The following NRXN1 variants were observed in gnomAD, a reference collection of about 807,000 sequenced individuals.
NRXN1 encodes the protein neurexin-1.
Under a neutral mutation model 150.9 loss-of-function variants are expected in NRXN1, and 39 were observed. The observed-to-expected ratio is 0.26, with a 90% confidence interval of 0.20 to 0.34. The LOEUF (loss-of-function observed/expected upper bound fraction) is 0.34, where lower values mean the gene tolerates loss of function less well. Ranked by LOEUF, NRXN1 falls within the 10% of genes least tolerant of loss-of-function variation. NRXN1 has a pLI of 1.00. For missense variants in NRXN1, 1,815 were observed against 1,949.9 expected (o/e 0.93, Z 1.30); for synonymous variants, 924 against 757.0 (o/e 1.22, Z -3.62).
chr2:50,282,590 C>T (rs1295858895), intron 17 of NRXN1, among the ~76,000 whole-genome samples: 1 of 152,036 alleles, frequency 6.6e-6, no homozygotes, highest in Non-Finnish European at 1.5e-5. Context: ...TAGAACTAAT[C>T]CCCCCAAAAT....
chr2:50,281,302 G>A (rs2071424773), intron 17 of NRXN1, among the ~76,000 whole-genome samples: 1 of 146,168 alleles, frequency 6.8e-6, no homozygotes, highest in Admixed American at 6.9e-5. Context: ...CGGTGACAGA[G>A]CAAGACTCCG....
At chr2:50,130,581 T>C (rs1270526166) in intron 18 of NRXN1, among the ~76,000 whole-genome samples, 4 of 152,150 alleles carry the variant, frequency 2.6e-5, no homozygotes, top group Non-Finnish European at 5.9e-5. Context: ...TAATATATTC[T>C]ATATTCTGCC....
rs371683702 is a variant in NRXN1 at position 50,902,195 on chromosome 2, C to CT, written c.832+19673dup. Among the ~76,000 whole-genome samples the CT allele has an allele frequency of 2.9e-4, 44 of 152,162 alleles. 1 individual carries two copies. The highest frequency in any genetic ancestry group is 1.0e-3 in the African/African-American group (43 of 41,500). On this transcript the variant is annotated intron_variant, in intron 5 of 22. Transcript: ENST00000401669. ...TCACTCATCAGCATCTAGAAATATT[C>CT]TTTAACCAGGGCAAGACAAAGAAAA...
At chr2:50,831,593 A>C (rs527828764) in intron 5 of NRXN1, among the ~76,000 whole-genome samples, 3 of 152,202 alleles carry the variant, frequency 2.0e-5, no homozygotes, top group Non-Finnish European at 4.4e-5. Context: ...AGAGTGTATA[A>C]ATATGTTAAG....
At chr2:50,520,909 A>C (rs1021496886) in intron 12 of NRXN1, among the ~76,000 whole-genome samples, 2 of 152,116 alleles carry the variant, frequency 1.3e-5, no homozygotes, top group African/African-American at 2.4e-5. Context: ...GAAACTTATA[A>C]TTCATGAAAA....
At chr2:50,282,525 A>T (rs990429479) in intron 17 of NRXN1, among the ~76,000 whole-genome samples, 1 of 152,166 alleles carries the variant, frequency 6.6e-6, no homozygotes, top group Non-Finnish European at 1.5e-5. Flanking sequence ...CCACGGGACC[A>T]ACAGTGAAAC....
intron 18 of NRXN1, among the ~76,000 whole-genome samples, chr2:50,100,522 T>C (rs1353592853): frequency 1.3e-5 from 2 of 152,132 alleles, no homozygotes; most frequent in East Asian, 3.8e-4. Flanking sequence ...ATATTCTCAA[T>C]TTTGTTTCAC....
chr2:50,047,322 CAT>C (rs770544453), intron 21 of NRXN1, among the ~76,000 whole-genome samples: 28 of 151,314 alleles, frequency 1.9e-4, no homozygotes, highest in Non-Finnish European at 3.4e-4. Flanking sequence ...CTTCCTCAGA[CAT>C]ATATATATAT....
At chr2:50,445,537 G>C (rs1302909967) in intron 17 of NRXN1, among the ~76,000 whole-genome samples, 3 of 152,116 alleles carry the variant, frequency 2.0e-5, no homozygotes, top group Non-Finnish European at 1.5e-5. Flanking sequence ...CCCAATTTGT[G>C]AACCACTCAC....
intron 5 of NRXN1, among the ~76,000 whole-genome samples, chr2:50,627,357 A>ATGTGTGTGTGTGTG (rs34870955): frequency 5.6e-5 from 8 of 143,516 alleles, no homozygotes; most frequent in South Asian, 4.6e-4. Context: ...TGGTTCATGT[A>ATGTGTGTGTGTGTG]TGTGTGTGTG....
chr2:50,338,282 A>C (rs1410277051), intron 17 of NRXN1, among the ~76,000 whole-genome samples: 2 of 152,216 alleles, frequency 1.3e-5, no homozygotes, highest in East Asian at 1.9e-4. Flanking sequence ...CTATTGAGGA[A>C]AGTTTCTCTG....
intron 8 of NRXN1, among the ~76,000 whole-genome samples, chr2:50,571,555 A>G (rs1401222025): frequency 2.6e-5 from 4 of 152,160 alleles, no homozygotes; most frequent in African/African-American, 7.2e-5. Flanking sequence ...ATAAGTGTGT[A>G]GTTCTGTTCA....
At chr2:50,510,842 C>G (rs115273680) in intron 12 of NRXN1, among the ~76,000 whole-genome samples, 1 of 151,988 alleles carries the variant, frequency 6.6e-6, no homozygotes, top group Non-Finnish European at 1.5e-5. Flanking sequence ...ACTGAATGCC[C>G]CCAGCTAATA....
At chr2:50,206,883 TAC>T (rs367944282) in intron 18 of NRXN1, among the ~76,000 whole-genome samples, 17,697 of 149,340 alleles carry the variant, frequency 0.12, 1,113 homozygotes, top group Middle Eastern at 0.17. Context: ...AAATGGGCAG[TAC>T]ACACACACAC....
At chr2:50,626,587 G>A (rs1681123155) in intron 5 of NRXN1, among the ~76,000 whole-genome samples, 1 of 151,912 alleles carries the variant, frequency 6.6e-6, no homozygotes. Flanking sequence ...AGTGAAATTG[G>A]ATCTTTACAT....
At chr2:50,637,416 A>C (rs1302646497) in intron 5 of NRXN1, 3 of 152,206 alleles carry the variant, frequency 2.0e-5, no homozygotes, top group African/African-American at 4.8e-5. Context: ...AAGTTATTTC[A>C]TTAAATAAGA....
Position 50,236,949 on chromosome 2 carries a change from C to T in NRXN1, c.3386G>A (p.Ser1129Asn). 6.2e-7 allele frequency: 1 copy of T among 1,613,208 alleles called. No homozygotes were observed. Among genetic ancestry groups the T allele is most frequent in the Non-Finnish European group, 8.5e-7 (1 of 1,179,514 alleles). ...CNDPGTTYIF[S>N]KGGGQITYKW... is the part of the protein sequence containing the mutation. ...ATACGTGATTTGTCCACCACCTTTGCTAAAGATATATGTCGTCCCAGCTGG... is the reference window on the plus strand; with the variant it reads ...ATACGTGATTTGTCCACCACCTTTGTTAAAGATATATGTCGTCCCAGCTGG... Residue 1129 changes from serine (S) to asparagine (N), a missense_variant, in exon 18 of 23, where the codon AGC (serine) becomes AAC (asparagine). Ser to Asn is a conservative substitution (Grantham distance 46). Around this residue, in one of 6 missense-constraint regions of NRXN1, gnomAD observed 339 missense variants for 440.3 expected, o/e 0.77. Coordinates refer to ENST00000401669, the MANE Select transcript of NRXN1 (RefSeq NM_001330078.2).
chr2:50,614,198 T>C (rs933966503), intron 8 of NRXN1, among the ~76,000 whole-genome samples: 2 of 152,050 alleles, frequency 1.3e-5, no homozygotes, highest in African/African-American at 4.8e-5. Flanking sequence ...AGGAAAAGTC[T>C]AGAGGAAATG....
At chr2:50,291,154 G>A (rs913918481) in intron 17 of NRXN1, among the ~76,000 whole-genome samples, 2 of 146,518 alleles carry the variant, frequency 1.4e-5, no homozygotes, top group African/African-American at 5.1e-5. Flanking sequence ...AAAAGGCTCT[G>A]AATTAAGGGG....
Sources: gnomAD v4.1 joint callset for allele counts (sites outside exome capture counted in the v4.1 genomes callset) on GRCh38, gnomAD v4.1.1 for gene constraint, gnomAD v4.1.1 regional missense constraint, MANE v1.5 for transcripts, NCBI Gene and HGNC (gene_info 2026-07-23, HGNC 2026-07-21) for gene names.